SKIL: variants seen among roughly 807,000 people sequenced by gnomAD.
The protein encoded by SKIL is ski-like protein.
Under a neutral mutation model 69.6 loss-of-function variants are expected in SKIL, and 20 were observed. The ratio of observed to expected loss-of-function variants is 0.29; its 90% CI spans 0.20 to 0.42. The LOEUF (loss-of-function observed/expected upper bound fraction) is 0.42, where lower values mean the gene tolerates loss of function less well. Ranked by LOEUF, SKIL falls within the 10% of genes least tolerant of loss-of-function variation. The pLI is 1.00. For missense variants in SKIL, 745 were observed against 783.1 expected (o/e 0.95, Z 0.58); for synonymous variants, 310 against 279.9 (o/e 1.11, Z -1.08).
In SKIL at chr3:170,394,114, A is replaced by ATTTTTTTTTTT. The variant is rs1560224797; in HGVS notation, c.*1697_*1698insTTTTTTTTTTT. The ATTTTTTTTTTT allele has an allele frequency of 1.5e-5, 2 of 131,664 alleles. No individual in the cohort carries two copies. Among genetic ancestry groups the ATTTTTTTTTTT allele is most frequent in the African/African-American group, 6.2e-5 (2 of 32,372 alleles). 8.2% of individuals were successfully genotyped at this position (131,664 alleles called of 1,614,324 possible). On this transcript the variant is annotated 3_prime_UTR_variant, in exon 7 of 7. Coordinates refer to ENST00000259119, the MANE Select transcript of SKIL (RefSeq NM_005414.5). ...AATATTAAAATGACATGTAGAAACA[A>ATTTTTTTTTTT]ATTTTTTTTTTTTTTTTTTTTTTTT...
intron 2 of SKIL, among the ~76,000 whole-genome samples, chr3:170,374,928 A>G (rs376878762): frequency 2.0e-5 from 3 of 152,230 alleles, no homozygotes; most frequent in Non-Finnish European, 4.4e-5. Flanking sequence ...AAAGAGACCA[A>G]GAGTTTTGTG....
intron 2 of SKIL, among the ~76,000 whole-genome samples, chr3:170,372,692 C>G (rs960880809): frequency 3.3e-5 from 5 of 152,074 alleles, no homozygotes; most frequent in African/African-American, 1.2e-4. Context: ...CATTTATTGA[C>G]CACTTGAATG....
Position 170,360,496 on chromosome 3 carries a change from T to C in SKIL, c.165T>C (p.Asp55=). The C allele has an allele frequency of 6.2e-7, 1 of 1,614,128 alleles. No individual in the cohort carries two copies. The change falls in exon 2 of 7, where the codon GAT becomes GAC. Residue 55 remains aspartate, a synonymous_variant. Transcript: ENST00000259119. The stretch of plus-strand genomic sequence containing the variant: ...CAACAGTTAAGAAGGAACACTTGGA[T>C]GACTATGGAGAAGCACCAGTGGAAA... ...KVPTVKKEHL[D]DYGEAPVETD...
At chr3:170,391,632 T>C (rs1737929040) in intron 6 of SKIL, among the ~76,000 whole-genome samples, 1 of 152,222 alleles carries the variant, frequency 6.6e-6, no homozygotes. Flanking sequence ...GTTACTTCTC[T>C]AATAAAGGAA....
intron 2 of SKIL, among the ~76,000 whole-genome samples, chr3:170,380,222 G>GCC (rs1737262708): frequency 1.3e-5 from 2 of 152,170 alleles, no homozygotes; most frequent in Non-Finnish European, 2.9e-5. Context: ...GCAAAGTATT[G>GCC]CTGTAGAATG....
At chr3:170,388,719 C>T (rs114457028) in intron 4 of SKIL, among the ~76,000 whole-genome samples, 286 of 152,108 alleles carry the variant, frequency 1.9e-3, no homozygotes, top group African/African-American at 6.6e-3. Flanking sequence ...TGTGAGCCAC[C>T]GCGCTTGGCC....
intron 2 of SKIL, among the ~76,000 whole-genome samples, chr3:170,372,782 T>C (rs988472113): frequency 6.6e-6 from 1 of 152,192 alleles, no homozygotes; most frequent in Non-Finnish European, 1.5e-5. Context: ...TTAGTAAGGT[T>C]GCTAATGATT....
intron 4 of SKIL, among the ~76,000 whole-genome samples, chr3:170,389,521 A>G (rs1454118069): frequency 6.6e-6 from 1 of 151,444 alleles, no homozygotes; most frequent in African/African-American, 2.4e-5. Flanking sequence ...TCACCATGTT[A>G]GCCAGGATGG....
rs1008970076 is a variant in SKIL at position 170,387,307 on chromosome 3, C to A, written c.1429+2542C>A. On this transcript the variant is annotated intron_variant, in intron 4 of 6. Coordinates refer to ENST00000259119, the MANE Select transcript of SKIL (RefSeq NM_005414.5). The stretch of plus-strand genomic sequence containing the variant: ...ATGTTTTCATCACTCCAAAAATTAA[C>A]CCTATAATCCATTAGGAGTCACTCC... Among the ~76,000 whole-genome samples, 12 of 152,128 alleles carry A rather than the reference C, an allele frequency of 7.9e-5. No homozygotes were observed. In the East Asian group the frequency reaches 2.3e-3, roughly 29 times the overall value.
intron 2 of SKIL, among the ~76,000 whole-genome samples, chr3:170,380,425 C>T (rs1291864653): frequency 6.6e-6 from 1 of 152,072 alleles, no homozygotes; most frequent in Non-Finnish European, 1.5e-5. Flanking sequence ...CAGGGATCAC[C>T]TGAGGTCAGG....
chr3:170,364,573 C>T (rs927696037), intron 2 of SKIL, among the ~76,000 whole-genome samples: 2 of 151,328 alleles, frequency 1.3e-5, no homozygotes. Flanking sequence ...CCGACCTCCT[C>T]GTCCTCTCAA....
intron 2 of SKIL, among the ~76,000 whole-genome samples, chr3:170,362,431 G>A (rs1736288990): frequency 6.6e-6 from 1 of 151,848 alleles, no homozygotes; most frequent in Non-Finnish European, 1.5e-5. Context: ...GAACCCCGGA[G>A]GCGGAGGTTG....
intron 2 of SKIL, among the ~76,000 whole-genome samples, chr3:170,367,015 A>G (rs1472601134): frequency 1.3e-5 from 2 of 152,266 alleles, no homozygotes; most frequent in African/African-American, 2.4e-5. Flanking sequence ...AATCATTTGT[A>G]AATAAAATTT....
At chr3:170,382,718 A>ATTTTT (rs35647654) in intron 3 of SKIL, among the ~76,000 whole-genome samples, 3 of 123,076 alleles carry the variant, frequency 2.4e-5, no homozygotes, top group Non-Finnish European at 3.2e-5. Flanking sequence ...CGCAACTTCA[A>ATTTTT]TTTTTTTTTT....
intron 4 of SKIL, among the ~76,000 whole-genome samples, chr3:170,385,417 G>C (rs1737570420): frequency 6.6e-6 from 1 of 151,880 alleles, no homozygotes. Context: ...GATTTGCCAT[G>C]AACTGAGACA....
chr3:170,386,166 T>C (rs992377848), intron 4 of SKIL, among the ~76,000 whole-genome samples: 1 of 151,804 alleles, frequency 6.6e-6, no homozygotes, highest in Non-Finnish European at 1.5e-5. Flanking sequence ...GTTTCGTATT[T>C]GTTGCCCAGG....
At chr3:170,386,745 C>T (rs1737653525) in intron 4 of SKIL, among the ~76,000 whole-genome samples, 1 of 152,176 alleles carries the variant, frequency 6.6e-6, no homozygotes, top group Admixed American at 6.6e-5. Flanking sequence ...ATTGGGATTA[C>T]AGATGTGAGC....
chr3:170,380,936 C>T (rs2108213942), intron 2 of SKIL, among the ~76,000 whole-genome samples: 1 of 152,104 alleles, frequency 6.6e-6, no homozygotes, highest in South Asian at 2.1e-4. Flanking sequence ...TCAAGGGATT[C>T]TCCCACCTCA....
At chr3:170,373,141 C>A (rs746125481) in intron 2 of SKIL, among the ~76,000 whole-genome samples, 6 of 151,512 alleles carry the variant, frequency 4.0e-5, no homozygotes. Context: ...GGACTACAGG[C>A]GTGCACCACC....
Sources: allele counts gnomAD v4.1 joint callset (sites outside exome capture counted in the v4.1 genomes callset), GRCh38; gene constraint gnomAD v4.1.1; transcripts MANE v1.5; gene names NCBI Gene and HGNC (gene_info 2026-07-23, HGNC 2026-07-21).